BMP6: variants seen among roughly 807,000 people sequenced by gnomAD.
The protein encoded by BMP6 is VG-1-R.
BMP6 carries 17 observed loss-of-function variants against 54.1 expected under a neutral mutation model. The observed-to-expected ratio is 0.31, with a 90% confidence interval of 0.22 to 0.47. BMP6 has a LOEUF of 0.47. Ranked by LOEUF, BMP6 falls within the 20% of genes least tolerant of loss-of-function variation. The pLI is 1.00. For missense variants in BMP6, 720 were observed against 690.4 expected, an observed-to-expected ratio of 1.04 and a Z score of -0.48; for synonymous variants, 328 against 291.2, an observed-to-expected ratio of 1.13 and a Z score of -1.28.
chr6:7,835,185 C>T (rs1480091591), intron 1 of BMP6, among the ~76,000 whole-genome samples: 4 of 152,044 alleles, frequency 2.6e-5, no homozygotes, highest in Non-Finnish European at 5.9e-5. Context: ...TGCAGTGGCA[C>T]CATCTCGGCT....
chr6:7,767,148 G>A (rs1020441989), intron 1 of BMP6, among the ~76,000 whole-genome samples: 2 of 151,706 alleles, frequency 1.3e-5, no homozygotes, highest in Admixed American at 6.6e-5. Flanking sequence ...CACCACACCC[G>A]GCTAATTTTT....
chr6:7,727,450 A>C lies in BMP6; in HGVS notation c.495A>C (p.Ala165=), dbSNP rs1457672909. ...GERQQSWPHE[A]ASSSQRRQPP... is the part of the protein sequence containing the mutation. Reference sequence around the variant, plus strand: ...GGCAGCAGTCCTGGCCCCACGAAGCAGCCAGCTCGTCCCAGCGTCGGCAGC... The same window carrying C: ...GGCAGCAGTCCTGGCCCCACGAAGCCGCCAGCTCGTCCCAGCGTCGGCAGC... The change falls in exon 1 of 7, where the codon GCA becomes GCC. Residue 165 remains alanine (A), a synonymous_variant. Coordinates refer to ENST00000283147, the MANE Select transcript of BMP6 (RefSeq NM_001718.6). 6.2e-7 allele frequency: 1 copy of C among 1,601,416 alleles called. No individual in the cohort carries two copies. The highest frequency in any genetic ancestry group is 1.1e-5 in the South Asian group (1 of 89,922).
intron 1 of BMP6, among the ~76,000 whole-genome samples, chr6:7,804,144 T>A (rs9405356): frequency 6.6e-6 from 1 of 152,006 alleles, no homozygotes; most frequent in Non-Finnish European, 1.5e-5. Flanking sequence ...GAGATGGAAA[T>A]GTCTAGAGTG....
intron 1 of BMP6, among the ~76,000 whole-genome samples, chr6:7,766,176 G>T (rs1362901956): frequency 6.6e-6 from 1 of 152,168 alleles, no homozygotes; most frequent in African/African-American, 2.4e-5. Context: ...CATTTAGTGT[G>T]TGCTTCCAGT....
intron 1 of BMP6, among the ~76,000 whole-genome samples, chr6:7,814,791 A>T (rs535330334): frequency 6.6e-6 from 1 of 152,242 alleles, no homozygotes; most frequent in African/African-American, 2.4e-5. Flanking sequence ...GGACACAAGG[A>T]GGGGAACATC....
chr6:7,771,776 G>C (rs1757792301), intron 1 of BMP6, among the ~76,000 whole-genome samples: 1 of 152,202 alleles, frequency 6.6e-6, no homozygotes, highest in African/African-American at 2.4e-5. Context: ...TTTTAGGTCG[G>C]ATGCGGTGGC....
At chr6:7,787,836 G>A (rs1282409266) in intron 1 of BMP6, among the ~76,000 whole-genome samples, 1 of 152,180 alleles carries the variant, frequency 6.6e-6, no homozygotes, top group Admixed American at 6.5e-5. Context: ...AAACTCACTT[G>A]ACCTTGGCAC....
At chr6:7,787,272 C>T (rs1193433406) in intron 1 of BMP6, among the ~76,000 whole-genome samples, 8 of 152,196 alleles carry the variant, frequency 5.3e-5, no homozygotes, top group Non-Finnish European at 2.9e-5. Context: ...GAAAAATATG[C>T]GTGAACTTCT....
At chr6:7,755,109 T>G (rs1757493891) in intron 1 of BMP6, among the ~76,000 whole-genome samples, 1 of 152,252 alleles carries the variant, frequency 6.6e-6, no homozygotes, top group Non-Finnish European at 1.5e-5. Flanking sequence ...GAGTTAGGTC[T>G]TGTTTATTTC....
At chr6:7,763,829 T>C (rs1757647677) in intron 1 of BMP6, among the ~76,000 whole-genome samples, 1 of 152,240 alleles carries the variant, frequency 6.6e-6, no homozygotes, top group Non-Finnish European at 1.5e-5. Flanking sequence ...CCCTCCATGG[T>C]GACCTTCTCT....
chr6:7,741,612 T>C (rs570936853), intron 1 of BMP6, among the ~76,000 whole-genome samples: 62 of 150,424 alleles, frequency 4.1e-4, no homozygotes, highest in Non-Finnish European at 8.4e-4. Context: ...TTTTAATTTT[T>C]TGTAGAGATG....
intron 1 of BMP6, among the ~76,000 whole-genome samples, chr6:7,729,020 G>A (rs1480372628): frequency 6.6e-6 from 1 of 152,180 alleles, no homozygotes; most frequent in Non-Finnish European, 1.5e-5. Flanking sequence ...AATCCTCCTG[G>A]GAAATTCGTG....
chr6:7,793,399 A>G (rs1469169576), intron 1 of BMP6, among the ~76,000 whole-genome samples: 1 of 152,218 alleles, frequency 6.6e-6, no homozygotes, highest in Non-Finnish European at 1.5e-5. Context: ...TGGAGCCCAC[A>G]TGATTTTTAG....
At chr6:7,765,784 G>T (rs781441404) in intron 1 of BMP6, among the ~76,000 whole-genome samples, 3 of 152,218 alleles carry the variant, frequency 2.0e-5, no homozygotes, top group Non-Finnish European at 2.9e-5. Context: ...GTGCCGGCAG[G>T]GCCGTGTTCC....
intron 4 of BMP6, among the ~76,000 whole-genome samples, chr6:7,864,795 T>C (rs1347011879): frequency 1.3e-5 from 2 of 152,146 alleles, no homozygotes; most frequent in Non-Finnish European, 2.9e-5. Flanking sequence ...ACAGTCAGGG[T>C]TGGGGTTTTT....
intron 1 of BMP6, among the ~76,000 whole-genome samples, chr6:7,793,118 T>C (rs1157129667): frequency 6.6e-6 from 1 of 151,182 alleles, no homozygotes; most frequent in East Asian, 1.9e-4. Flanking sequence ...AGAGTTTTTT[T>C]CAGGTAAGTC....
chr6:7,809,490 ATTT>A (rs74914517), intron 1 of BMP6, among the ~76,000 whole-genome samples: 8 of 150,984 alleles, frequency 5.3e-5, no homozygotes, highest in Admixed American at 2.0e-4. Context: ...GAGCAACAGG[ATTT>A]TTTTTTTCCT....
intron 4 of BMP6, among the ~76,000 whole-genome samples, chr6:7,873,732 T>C (rs902227066): frequency 6.6e-6 from 1 of 151,790 alleles, no homozygotes; most frequent in South Asian, 2.1e-4. Flanking sequence ...ACAAAGACAC[T>C]CAGGAAAATC....
At chr6:7,840,516 T>C (rs1453536917) in intron 1 of BMP6, among the ~76,000 whole-genome samples, 3 of 152,210 alleles carry the variant, frequency 2.0e-5, no homozygotes, top group Non-Finnish European at 4.4e-5. Flanking sequence ...AAGGCTTTTG[T>C]TCCTATGTGT....
Sources: gnomAD v4.1 joint callset for allele counts (sites outside exome capture counted in the v4.1 genomes callset) on GRCh38, gnomAD v4.1.1 for gene constraint, MANE v1.5 for transcripts, NCBI Gene and HGNC (gene_info 2026-07-23, HGNC 2026-07-21) for gene names.